Variants in TLN2 observed in about 807,000 individuals in gnomAD.
The protein encoded by TLN2 is talin 2.
In TLN2, 118 loss-of-function variants were observed where a neutral mutation model predicts 294.7. The ratio of observed to expected loss-of-function variants is 0.40; its 90% confidence interval spans 0.34 to 0.47. The LOEUF (loss-of-function observed/expected upper bound fraction) is 0.47, where lower values mean the gene tolerates loss of function less well. Among genes scored for constraint, TLN2 ranks in the 20% least tolerant of loss-of-function variants. TLN2 has a pLI of 0.84. For synonymous variants in TLN2, 1,431 were observed against 1,304.5 expected (o/e 1.10, Z -2.09); for missense variants, 3,083 against 3,282.2 (o/e 0.94, Z 1.48).
chr15:62,490,159 A>T (rs897045170), intron 1 of TLN2, among the ~76,000 whole-genome samples: 1 of 152,212 alleles, frequency 6.6e-6, no homozygotes, highest in Non-Finnish European at 1.5e-5. Context: ...GGATTTTACT[A>T]TTATAAGCAT....
intron 4 of TLN2, among the ~76,000 whole-genome samples, chr15:62,648,267 A>G (rs1380790394): frequency 2.6e-5 from 4 of 152,074 alleles, no homozygotes; most frequent in African/African-American, 2.4e-5. Context: ...GTAAAGTCTG[A>G]AAAATTAGCT....
At chr15:62,780,448 GC>G (rs1455793814) in intron 43 of TLN2, among the ~76,000 whole-genome samples, 4 of 152,178 alleles carry the variant, frequency 2.6e-5, no homozygotes. Context: ...TAAGTAAGCA[GC>G]CCGAGGTTCA....
At chr15:62,523,882 A>T (rs1160870430) in intron 1 of TLN2, among the ~76,000 whole-genome samples, 1 of 152,232 alleles carries the variant, frequency 6.6e-6, no homozygotes, top group Non-Finnish European at 1.5e-5. Context: ...TGAATGCGAG[A>T]TATGCTTTAT....
intron 1 of TLN2, among the ~76,000 whole-genome samples, chr15:62,538,794 C>G (rs1219067272): frequency 6.6e-6 from 1 of 152,150 alleles, no homozygotes; most frequent in Non-Finnish European, 1.5e-5. Flanking sequence ...AAACCTAGGA[C>G]TGTCATTCTG....
chr15:62,761,760 A>C lies in TLN2; in HGVS notation c.4718A>C (p.Asn1573Thr), dbSNP rs1463402139. The C allele has an allele frequency of 2.5e-6, 4 of 1,614,024 alleles. No individual in the cohort carries two copies. The highest frequency in any genetic ancestry group is 2.5e-6 in the Non-Finnish European group (3 of 1,180,036). The change falls in exon 38 of 59, where the codon AAC becomes ACC. Residue 1573 changes from asparagine to threonine, a missense_variant. Physicochemically the swap from Asn to Thr is moderately conservative, Grantham distance 65. Coordinates refer to ENST00000636159, the MANE Select transcript of TLN2 (RefSeq NM_015059.3). ...ATAPLIEAVE[N>T]LTAFASNPEF... ...GCACCCTTGATTGAAGCTGTGGAGA[A>C]CCTGACAGCGTTCGCCTCAAACCCT... is the stretch of plus-strand genomic sequence containing the variant.
chr15:62,722,754 C>T (rs1001347163), intron 26 of TLN2, among the ~76,000 whole-genome samples: 1 of 152,162 alleles, frequency 6.6e-6, no homozygotes, highest in East Asian at 1.9e-4. Flanking sequence ...CTTTCCATAT[C>T]CTGGAACAAG....
intron 54 of TLN2, chr15:62,830,239 A>G (rs941182195): frequency 2.0e-5 from 3 of 152,216 alleles, no homozygotes; most frequent in African/African-American, 7.2e-5. Flanking sequence ...GGTCAGTAAC[A>G]TCTCAGCTAA....
intron 48 of TLN2, among the ~76,000 whole-genome samples, chr15:62,799,358 G>C (rs1313341330): frequency 1.3e-5 from 2 of 152,178 alleles, no homozygotes; most frequent in African/African-American, 4.8e-5. Context: ...ATAGAAATAG[G>C]AGTTACTGGA....
chr15:62,727,330 T>A (rs2060493225), intron 28 of TLN2, 141 bp downstream of exon 28: 3 of 734,498 alleles, frequency 4.1e-6, no homozygotes, highest in Non-Finnish European at 6.6e-6. Context: ...AAGCACCATG[T>A]GCTTGTTACC....
chr15:62,786,286 C>A (rs577268124), intron 45 of TLN2, among the ~76,000 whole-genome samples: 19 of 152,218 alleles, frequency 1.2e-4, no homozygotes, highest in Admixed American at 9.8e-4. Flanking sequence ...GCTCCCTTCG[C>A]TGCAGTCCCG....
chr15:62,514,410 G>C (rs2040082978), intron 1 of TLN2, among the ~76,000 whole-genome samples: 2 of 152,144 alleles, frequency 1.3e-5, no homozygotes, highest in South Asian at 4.1e-4. Flanking sequence ...ATGGCATGTT[G>C]GGAACAAAGT....
At chr15:62,452,114 A>G (rs1453368622) in intron 1 of TLN2, among the ~76,000 whole-genome samples, 5 of 148,772 alleles carry the variant, frequency 3.4e-5, no homozygotes, top group Non-Finnish European at 5.9e-5. Flanking sequence ...AGAGCTGAGC[A>G]TGGGGTGATG....
intron 1 of TLN2, among the ~76,000 whole-genome samples, chr15:62,464,570 A>T (rs181489974): frequency 0.012 from 1,764 of 147,208 alleles, 48 homozygotes; most frequent in African/African-American, 0.042. Flanking sequence ...CTTAAAGTAT[A>T]TTTAAAAAAA....
At chr15:62,632,611 A>G (rs1012065391) in intron 3 of TLN2, among the ~76,000 whole-genome samples, 8 of 152,200 alleles carry the variant, frequency 5.3e-5, no homozygotes, top group African/African-American at 1.7e-4. Flanking sequence ...TAAATGCAAG[A>G]CCAGCCTTAT....
chr15:62,392,164 G>T (rs2032148285), intron 1 of TLN2, among the ~76,000 whole-genome samples: 1 of 152,262 alleles, frequency 6.6e-6, no homozygotes, highest in Non-Finnish European at 1.5e-5. Flanking sequence ...AGGAAAGGAG[G>T]GCGTTTCCAG....
In TLN2 at chr15:62,717,576, G is replaced by T. The variant is rs760363599; in HGVS notation, c.2764G>T (p.Val922Phe). The T allele has an allele frequency of 1.9e-6, 3 of 1,558,574 alleles. No homozygotes were observed. Among genetic ancestry groups the T allele is most frequent in the Middle Eastern group, 3.4e-4 (2 of 5,842 alleles). ...TGACTCATCTATCACTCCTCTGCAG[G>T]TTGCAGCCAAGCAGGCCGCAGCGGC... ...IKKKIVNRLE[V>F]AAKQAAAAAT... The change falls in exon 24 of 59, where the codon GTT becomes TTT. Residue 922 changes from valine to phenylalanine, a missense_variant and splice_region_variant. By Grantham distance (50) the Val-to-Phe change is conservative (BLOSUM62 -1). Coordinates refer to ENST00000636159, the MANE Select transcript of TLN2 (RefSeq NM_015059.3).
At chr15:62,644,723 C>A (rs1443058299) in intron 3 of TLN2, 2 of 387,228 alleles carry the variant, frequency 5.2e-6, no homozygotes, top group Non-Finnish European at 1.0e-5. Context: ...TTTCTCCTTG[C>A]TCCTCTGTGT....
At chr15:62,528,307 A>G (rs1029599427) in intron 1 of TLN2, among the ~76,000 whole-genome samples, 2 of 152,226 alleles carry the variant, frequency 1.3e-5, no homozygotes, top group Non-Finnish European at 2.9e-5. Context: ...CCCAGAAGTC[A>G]CTAACAGAAA....
intron 28 of TLN2, among the ~76,000 whole-genome samples, chr15:62,732,854 T>C (rs1406829617): frequency 1.3e-5 from 2 of 152,082 alleles, no homozygotes; most frequent in African/African-American, 4.8e-5. Flanking sequence ...CACAGGACCA[T>C]TGGTAGGAGC....
Sources: gnomAD v4.1 joint callset for allele counts (sites outside exome capture counted in the v4.1 genomes callset) on GRCh38, gnomAD v4.1.1 for gene constraint, MANE v1.5 for transcripts, NCBI Gene and HGNC (gene_info 2026-07-23, HGNC 2026-07-21) for gene names.